The following RBFOX1 variants were observed in gnomAD, a reference collection of about 807,000 sequenced individuals.
RBFOX1 encodes RNA binding protein fox-1 homolog 1.
In RBFOX1, 8 loss-of-function variants were observed where a neutral mutation model predicts 57.7. That is an observed-to-expected ratio of 0.14 (90% CI 0.08 to 0.25). The LOEUF (loss-of-function observed/expected upper bound fraction) is 0.25, where lower values mean the gene tolerates loss of function less well. Ranked by LOEUF, RBFOX1 falls within the 10% of genes least tolerant of loss-of-function variation. RBFOX1 has a pLI of 1.00. For missense variants in RBFOX1, 611 were observed against 548.5 expected (o/e 1.11, Z -1.14); for synonymous variants, 326 against 222.4 (o/e 1.47, Z -4.15).
In RBFOX1 at chr16:6,933,527, G is replaced by A. The variant is rs1414694135; in HGVS notation, c.-15-118530G>A. Reference sequence around the variant, plus strand: ...CAGGAGTTCCAGACCAGCCTGACCAGCATGGTGAAATCTCTTCTCTACTAA... The same window carrying A: ...CAGGAGTTCCAGACCAGCCTGACCAACATGGTGAAATCTCTTCTCTACTAA... On this transcript the variant is annotated intron_variant, in intron 3 of 15. Transcript: ENST00000550418. Among the ~76,000 whole-genome samples, 4 of 152,308 alleles carry A rather than the reference G, an allele frequency of 2.6e-5. 1 individual carries two copies. The South Asian group carries it at 8.3e-4, about 32-fold the overall frequency.
chr16:7,060,500 G>A (rs925022695), intron 4 of RBFOX1, among the ~76,000 whole-genome samples: 3 of 152,152 alleles, frequency 2.0e-5, no homozygotes, highest in African/African-American at 4.8e-5. Context: ...TTGCTTTAAA[G>A]GCTTCCAGTT....
chr16:6,481,132 G>A (rs2095365334), intron 2 of RBFOX1, among the ~76,000 whole-genome samples: 1 of 152,156 alleles, frequency 6.6e-6, no homozygotes, highest in South Asian at 2.1e-4. Context: ...GACAATATCA[G>A]TTTACAGTGC....
intron 1 of RBFOX1, among the ~76,000 whole-genome samples, chr16:5,402,990 G>T (rs944079478): frequency 6.6e-6 from 1 of 152,154 alleles, no homozygotes; most frequent in Non-Finnish European, 1.5e-5. Context: ...TTTATACTGT[G>T]TCCCAACATG....
chr16:6,351,365 TATA>T (rs1567995065), intron 2 of RBFOX1, among the ~76,000 whole-genome samples: 7 of 99,930 alleles, frequency 7.0e-5, no homozygotes, highest in African/African-American at 3.4e-4. Context: ...TATATATATA[TATA>T]TATATTTTTT....
chr16:7,700,819 G>T (rs1290124532), intron 14 of RBFOX1, among the ~76,000 whole-genome samples: 1 of 151,392 alleles, frequency 6.6e-6, no homozygotes, highest in Non-Finnish European at 1.5e-5. Context: ...TTCAGAATAG[G>T]AAGAGGTTTT....
intron 1 of RBFOX1, among the ~76,000 whole-genome samples, chr16:6,245,050 C>T (rs917211433): frequency 6.6e-6 from 1 of 152,028 alleles, no homozygotes; most frequent in African/African-American, 2.4e-5. Context: ...TCCTCGTCCT[C>T]TTGTTTGATG....
chr16:7,159,969 G>A (rs8055897), intron 4 of RBFOX1, among the ~76,000 whole-genome samples: 34,608 of 152,038 alleles, frequency 0.23, 4,231 homozygotes, highest in African/African-American at 0.3. Context: ...CCTTCCTTGA[G>A]GGGGGAGTTG....
chr16:6,088,484 C>T (rs1030864379), intron 1 of RBFOX1, among the ~76,000 whole-genome samples: 1 of 151,956 alleles, frequency 6.6e-6, no homozygotes, highest in African/African-American at 2.4e-5. Context: ...ATTCAACCAT[C>T]CATGCATCCT....
chr16:7,341,369 A>C (rs1008007023), intron 4 of RBFOX1, among the ~76,000 whole-genome samples: 1 of 152,198 alleles, frequency 6.6e-6, no homozygotes, highest in Non-Finnish European at 1.5e-5. Flanking sequence ...TCATTTATTA[A>C]GATAATGATT....
In RBFOX1 at chr16:7,428,493, T is replaced by TA. The variant is rs1491128651; in HGVS notation, c.28-89654_28-89653insA. On this transcript the variant is annotated intron_variant, in intron 4 of 15. Coordinates refer to ENST00000550418, the MANE Select transcript of RBFOX1 (RefSeq NM_018723.4). Reference sequence around the variant, plus strand: ...AGGCATCCACTACCACTCCTGGCTATTTTATTATTATTATTATTATTATTA... The same window carrying TA: ...AGGCATCCACTACCACTCCTGGCTATATTTATTATTATTATTATTATTATTA... Among the ~76,000 whole-genome samples, 198 of 126,716 alleles carry TA rather than the reference T, an allele frequency of 1.6e-3. 1 individual carries two copies. The highest frequency in any genetic ancestry group is 5.6e-3 in the African/African-American group (183 of 32,654). The allele number at this position is 126,716 out of a possible 152,430, so 83.1% of individuals were successfully genotyped here.
intron 4 of RBFOX1, among the ~76,000 whole-genome samples, chr16:7,207,565 G>A (rs149890040): frequency 4.9e-4 from 74 of 152,272 alleles, no homozygotes; most frequent in African/African-American, 1.8e-3. Flanking sequence ...ATTAACGACT[G>A]ATCTTGCCAC....
chr16:7,036,990 G>A (rs1026690187), intron 3 of RBFOX1, among the ~76,000 whole-genome samples: 2 of 152,082 alleles, frequency 1.3e-5, no homozygotes, highest in South Asian at 2.1e-4. Context: ...ACTTCCTGAC[G>A]TTGCCATGGC....
intron 4 of RBFOX1, among the ~76,000 whole-genome samples, chr16:7,075,203 A>G (rs1272996923): frequency 7.2e-5 from 11 of 152,200 alleles, no homozygotes; most frequent in Non-Finnish European, 1.6e-4. Flanking sequence ...GATGTTGCAT[A>G]TATAGGGAAT....
rs572080401 is a variant in RBFOX1, at chr16:6,450,362, A to G, written c.-64+133305A>G. ...AAATTGTCACTATCCTGCTTGTTAC[A>G]TGATAAAACCTCCGTTTGCTCCAGC... On this transcript the variant is annotated intron_variant, in intron 2 of 15. Coordinates refer to ENST00000550418, the MANE Select transcript of RBFOX1 (RefSeq NM_018723.4). Among the ~76,000 whole-genome samples, 3 of 152,258 alleles carry G rather than the reference A, an allele frequency of 2.0e-5. No homozygotes were observed. In the South Asian group the frequency reaches 6.2e-4, roughly 32 times the overall value.
At chr16:7,130,233 C>G (rs954316436) in intron 4 of RBFOX1, among the ~76,000 whole-genome samples, 1 of 151,928 alleles carries the variant, frequency 6.6e-6, no homozygotes, top group African/African-American at 2.4e-5. Flanking sequence ...GGAGTTTCGC[C>G]ATATTTGGCC....
chr16:5,536,219 A>C (rs901870894), intron 2 of RBFOX1, among the ~76,000 whole-genome samples: 2 of 137,982 alleles, frequency 1.4e-5, no homozygotes, highest in Non-Finnish European at 1.5e-5. Flanking sequence ...TTGCTTGGAA[A>C]TCTCCTGTCT....
chr16:6,299,239 C>T (rs377452812), intron 1 of RBFOX1, among the ~76,000 whole-genome samples: 13 of 152,158 alleles, frequency 8.5e-5, no homozygotes, highest in African/African-American at 2.7e-4. Flanking sequence ...ACAGTGGACC[C>T]TTTTCCTATT....
chr16:7,609,600 A>T (rs1353181978), intron 10 of RBFOX1, among the ~76,000 whole-genome samples: 2 of 152,192 alleles, frequency 1.3e-5, no homozygotes, highest in African/African-American at 2.4e-5. Flanking sequence ...GATACTTTCT[A>T]TGGGCCAGCA....
intron 1 of RBFOX1, among the ~76,000 whole-genome samples, chr16:5,451,237 C>T (rs1201479851): frequency 6.6e-6 from 1 of 152,164 alleles, no homozygotes; most frequent in African/African-American, 2.4e-5. Flanking sequence ...ATTCCACCCC[C>T]ACTTCACTCT....
Sources: gnomAD v4.1 joint callset for allele counts (sites outside exome capture counted in the v4.1 genomes callset) on GRCh38, gnomAD v4.1.1 for gene constraint, MANE v1.5 for transcripts, NCBI Gene and HGNC (gene_info 2026-07-23, HGNC 2026-07-21) for gene names.